CTSS: variants seen among roughly 807,000 people sequenced by gnomAD.
CTSS encodes the protein cathepsin S.
A neutral mutation model predicts 39.9 loss-of-function variants in CTSS; 15 were observed. The ratio of observed to expected loss-of-function variants is 0.38; its 90% CI spans 0.25 to 0.58. The LOEUF (loss-of-function observed/expected upper bound fraction) is 0.58. Ranked by LOEUF, CTSS falls within the 20% of genes least tolerant of loss-of-function variation. The probability of loss-of-function intolerance (pLI) is 0.70; values close to 1 mark genes in which losing one functional copy is unlikely to be tolerated. For synonymous variants in CTSS, 126 were observed against 138.2 expected (o/e 0.91, Z 0.62); for missense variants, 250 against 398.2 (o/e 0.63, Z 3.17).
intron 4 of CTSS, among the ~76,000 whole-genome samples, chr1:150,753,888 C>T (rs1653057675): frequency 6.6e-6 from 1 of 151,386 alleles, no homozygotes; most frequent in Non-Finnish European, 1.5e-5. Flanking sequence ...TTGCAGTGAG[C>T]CCAGATCGCA....
chr1:150,749,813 CTAATTT>C (rs1188739947), intron 6 of CTSS, among the ~76,000 whole-genome samples, 187 bp downstream of exon 6: 3 of 151,424 alleles, frequency 2.0e-5, no homozygotes, highest in Non-Finnish European at 4.4e-5. Context: ...CCATATCCGG[CTAATTT>C]TTATTTTTAT....
intron 2 of CTSS, among the ~76,000 whole-genome samples, chr1:150,759,252 G>C (rs1653202324): frequency 6.6e-6 from 1 of 151,920 alleles, no homozygotes; most frequent in African/African-American, 2.4e-5. Context: ...TCGGCTGTGT[G>C]CTTTTGATTG....
intron 7 of CTSS, among the ~76,000 whole-genome samples, chr1:150,743,647 A>G (rs1652823768): frequency 2.0e-5 from 2 of 102,386 alleles, no homozygotes; most frequent in South Asian, 5.5e-4. Flanking sequence ...TATATTATAT[A>G]TGTATATTAT....
In CTSS at chr1:150,731,006, T is replaced by C. The variant is rs1652508999; in HGVS notation, c.*2040A>G. 1 of 152,198 alleles carries C rather than the reference T, an allele frequency of 6.6e-6. No individual in the cohort carries two copies. Among genetic ancestry groups the C allele is most frequent in the African/African-American group, 2.4e-5 (1 of 41,446 alleles). The allele number at this position is 152,198 out of a possible 1,614,324, so 9.4% of individuals were successfully genotyped here. ...GATTTTAAGAAGGCATTCATAGGCT[T>C]TAACAGATAGCTAAAGACTAAGAAC... On this transcript the variant is annotated 3_prime_UTR_variant, in exon 8 of 8. Coordinates refer to ENST00000368985, the MANE Select transcript of CTSS (RefSeq NM_004079.5).
chr1:150,754,962 T>C, intron 4 of CTSS, 39 bp downstream of exon 4: 1 of 1,589,008 alleles, frequency 6.3e-7, no homozygotes, highest in Non-Finnish European at 8.6e-7. Flanking sequence ...TTTAAAGAGC[T>C]CTACCTAGGG....
In CTSS at chr1:150,751,960, C is replaced by T; in HGVS notation, c.448G>A (p.Ala150Thr). 1 of 1,614,184 alleles carries T rather than the reference C, an allele frequency of 6.2e-7. No homozygotes were observed. The highest frequency in any genetic ancestry group is 8.5e-7 in the Non-Finnish European group (1 of 1,180,036). The change falls in exon 5 of 8, where the codon GCA (alanine) becomes ACA (threonine). Residue 150 changes from alanine (A) to threonine (T), a missense_variant. Coordinates refer to ENST00000368985, the MANE Select transcript of CTSS (RefSeq NM_004079.5). ...WAFSAVGALE[A>T]QLKLKTGKLV... Reference sequence around the variant, plus strand: ...TTTCCTGTTTTCAGCTTCAGCTGTGCTTCCAGGGCCCCCACAGCACTGAAA... The same window carrying T: ...TTTCCTGTTTTCAGCTTCAGCTGTGTTTCCAGGGCCCCCACAGCACTGAAA...
At chr1:150,734,974 G>T (rs1025972136) in intron 7 of CTSS, among the ~76,000 whole-genome samples, 3 of 152,174 alleles carry the variant, frequency 2.0e-5, no homozygotes, top group Admixed American at 6.6e-5. Context: ...ATAAAAGTGT[G>T]AAATTGAGAA....
rs587608443 is a variant in CTSS, at chr1:150,758,106, A to G, written c.127-126T>C. On this transcript the variant is annotated intron_variant, in intron 2 of 7. Transcript: ENST00000368985. ...ACTCTGTCACCCAAGCTGGAGTCCA[A>G]TGGCACGATCTCAGCTTACTTCAAC... is the stretch of plus-strand genomic sequence containing the variant. 6.0e-5 allele frequency: 48 copies of G among 795,006 alleles called. No individual in the cohort carries two copies. In the African/African-American group the frequency reaches 7.6e-4, roughly 13 times the overall value. 49.2% of individuals were successfully genotyped at this position (795,006 alleles called of 1,614,324 possible). A position where few individuals can be genotyped will look rare whatever the true frequency, so the allele number is the denominator to read the frequency against.
chr1:150,750,073 C>T lies in CTSS; in HGVS notation c.726G>A (p.Val242=), dbSNP rs988191648. ...CAACAGACACTGGGCCTTTATTGGC[C>T]ACAGCTTCTTTCAGGACATCTTCTC... The part of the protein sequence containing the change: ...YGREDVLKEA[V]ANKGPVSVGV... The change falls in exon 6 of 8, where the codon GTG becomes GTA. Residue 242 remains valine (V), a synonymous_variant. Transcript: ENST00000368985. 12 of 1,613,896 alleles carry T rather than the reference C, an allele frequency of 7.4e-6. No homozygotes were observed. Among genetic ancestry groups the T allele is most frequent in the South Asian group, 1.1e-5 (1 of 91,080 alleles).
chr1:150,747,371 C>G (rs1652912299), intron 7 of CTSS, among the ~76,000 whole-genome samples: 1 of 152,054 alleles, frequency 6.6e-6, no homozygotes, highest in Non-Finnish European at 1.5e-5. Context: ...GCTAGAGATT[C>G]AAAAGCTATT....
At chr1:150,765,287 G>GT (rs144296504) in intron 1 of CTSS, among the ~76,000 whole-genome samples, 1,488 of 136,818 alleles carry the variant, frequency 0.011, 16 homozygotes, top group African/African-American at 0.037. Context: ...TCCTTTTTAC[G>GT]TTTTTTTTTT....
intron 7 of CTSS, among the ~76,000 whole-genome samples, chr1:150,736,320 G>C (rs587751593): frequency 6.6e-6 from 1 of 152,236 alleles, no homozygotes; most frequent in East Asian, 1.9e-4. Flanking sequence ...AAAGTAGCTT[G>C]CCAAAAGTCA....
rs1268090014 is a variant in CTSS at position 150,754,962 on chromosome 1, TC to T, written c.399+38del. ...TAGCTAGACTAAGCATTTAAAGAGCTCTACCTAGGGTTCAGAGGCTTGGGAT... is the reference window on the plus strand; with the variant it reads ...TAGCTAGACTAAGCATTTAAAGAGCTTACCTAGGGTTCAGAGGCTTGGGAT... On this transcript the variant is annotated intron_variant, in intron 4 of 7. Transcript: ENST00000368985. 3 of 1,588,886 alleles carry T rather than the reference TC, an allele frequency of 1.9e-6. No individual in the cohort carries two copies. In the African/African-American group the frequency reaches 4.0e-5, roughly 21 times the overall value.
rs1203726173 is a variant in CTSS at position 150,731,628 on chromosome 1, A to G, written c.*1418T>C. 1.3e-5 allele frequency: 2 copies of G among 152,224 alleles called. No homozygotes were observed. Among genetic ancestry groups the G allele is most frequent in the Non-Finnish European group, 2.9e-5 (2 of 68,044 alleles). The allele number at this position is 152,224 out of a possible 1,614,324, so 9.4% of individuals were successfully genotyped here. On this transcript the variant is annotated 3_prime_UTR_variant, in exon 8 of 8. Coordinates refer to ENST00000368985, the MANE Select transcript of CTSS (RefSeq NM_004079.5). ...GTTCATGTCATAGACATGAACTTAA[A>G]AAATTTAAAGTTCCTGCTGCCTGCT...
At chr1:150,756,939 C>A (rs1653144775) in intron 3 of CTSS, among the ~76,000 whole-genome samples, 1 of 152,158 alleles carries the variant, frequency 6.6e-6, no homozygotes, top group Non-Finnish European at 1.5e-5. Flanking sequence ...TAGTCTCAAA[C>A]TCCCGACCTC....
intron 4 of CTSS, among the ~76,000 whole-genome samples, chr1:150,753,088 C>T (rs1359728864): frequency 1.3e-5 from 2 of 152,116 alleles, no homozygotes; most frequent in Non-Finnish European, 2.9e-5. Context: ...CTCCTGGGCT[C>T]AAGCGATCCT....
intron 3 of CTSS, among the ~76,000 whole-genome samples, chr1:150,756,708 C>CTTTTTTT (rs72242218): frequency 8.4e-5 from 11 of 131,178 alleles, no homozygotes; most frequent in Non-Finnish European, 1.1e-4. Flanking sequence ...TTCTTTCTTT[C>CTTTTTTT]TTTTTTTTTT....
Position 150,730,870 on chromosome 1 carries a change from G to C in CTSS, c.*2176C>G, listed in dbSNP as rs1652503520. On this transcript the variant is annotated 3_prime_UTR_variant, in exon 8 of 8. Coordinates refer to ENST00000368985, the MANE Select transcript of CTSS (RefSeq NM_004079.5). ...AACTCTTATTTAATGCATTTATAAA[G>C]AAGCATGCATATTAATATATAACAA... 7.1e-6 allele frequency: 1 copy of C among 141,504 alleles called. No individual in the cohort carries two copies. Among genetic ancestry groups the C allele is most frequent in the Admixed American group, 7.4e-5 (1 of 13,466 alleles). 8.8% of individuals were successfully genotyped at this position (141,504 alleles called of 1,614,324 possible). A position where few individuals can be genotyped will look rare whatever the true frequency, so the allele number is the denominator to read the frequency against.
chr1:150,734,978 T>C (rs984368294), intron 7 of CTSS, among the ~76,000 whole-genome samples: 1 of 152,050 alleles, frequency 6.6e-6, no homozygotes, highest in African/African-American at 2.4e-5. Context: ...AAGTGTGAAA[T>C]TGAGAAAATG....
Sources: gnomAD v4.1 joint callset for allele counts (sites outside exome capture counted in the v4.1 genomes callset) on GRCh38, gnomAD v4.1.1 for gene constraint, MANE v1.5 for transcripts, NCBI Gene and HGNC (gene_info 2026-07-23, HGNC 2026-07-21) for gene names.